KCNK9: variants seen among roughly 807,000 people sequenced by gnomAD.
KCNK9 encodes potassium channel subfamily K member 9.
Under a neutral mutation model 10.8 loss-of-function variants are expected in KCNK9, and 1 was observed. The ratio of observed to expected loss-of-function variants is 0.09; its 90% CI spans 0.03 to 0.44. The LOEUF is 0.44. Ranked by LOEUF, KCNK9 falls within the 20% of genes least tolerant of loss-of-function variation. The probability of loss-of-function intolerance (pLI) is 0.97; values close to 1 mark genes in which losing one functional copy is unlikely to be tolerated. For missense variants in KCNK9, 303 were observed against 515.0 expected (o/e 0.59, Z 3.98); for synonymous variants, 231 against 222.7 (o/e 1.04, Z -0.33).
intron 1 of KCNK9, among the ~76,000 whole-genome samples, chr8:139,666,431 A>G (rs1816302271): frequency 6.6e-6 from 1 of 152,256 alleles, no homozygotes; most frequent in African/African-American, 2.4e-5. Flanking sequence ...GGTTTAAATG[A>G]GTCGGCCGTC....
intron 1 of KCNK9, among the ~76,000 whole-genome samples, chr8:139,649,401 AT>A (rs771251940): frequency 4.6e-5 from 7 of 151,820 alleles, no homozygotes; most frequent in Non-Finnish European, 5.9e-5. Context: ...AGGGTGTAGA[AT>A]GAGGAAGGAC....
At chr8:139,673,446 G>A (rs909245913) in intron 1 of KCNK9, among the ~76,000 whole-genome samples, 5 of 152,332 alleles carry the variant, frequency 3.3e-5, no homozygotes, top group East Asian at 3.9e-4. Context: ...GCAGCTTAGC[G>A]GCACTGGCTG....
downstream of KCNK9, among the ~76,000 whole-genome samples, chr8:139,610,972 T>C (rs569932329): frequency 1.3e-5 from 2 of 152,390 alleles, no homozygotes; most frequent in South Asian, 2.1e-4. Context: ...GCCTGAGCTG[T>C]GTCTCTGCCT....
chr8:139,615,049 G>T (rs1814538809), downstream of KCNK9, among the ~76,000 whole-genome samples: 1 of 152,138 alleles, frequency 6.6e-6, no homozygotes. Flanking sequence ...CTGGGAGAAG[G>T]GTATGAAAAT....
intron 1 of KCNK9, among the ~76,000 whole-genome samples, chr8:139,657,971 T>C (rs1469584418): frequency 6.6e-6 from 1 of 152,078 alleles, no homozygotes; most frequent in Non-Finnish European, 1.5e-5. Flanking sequence ...GGAGATGACA[T>C]GGTAGGGTGG....
At chr8:139,662,843 G>A (rs1213328787) in intron 1 of KCNK9, among the ~76,000 whole-genome samples, 4 of 129,304 alleles carry the variant, frequency 3.1e-5, no homozygotes, top group African/African-American at 1.3e-4. Context: ...CAGGGAAAGG[G>A]GAGAAGGGAG....
chr8:139,673,483 G>A (rs1045261435), intron 1 of KCNK9, among the ~76,000 whole-genome samples: 1 of 152,202 alleles, frequency 6.6e-6, no homozygotes, highest in African/African-American at 2.4e-5. Context: ...GGGGATGCGT[G>A]CAGCCCACCC....
intron 1 of KCNK9, among the ~76,000 whole-genome samples, chr8:139,654,816 C>A (rs1303240093): frequency 1.3e-5 from 2 of 152,214 alleles, no homozygotes; most frequent in African/African-American, 4.8e-5. Context: ...ATGCACAGAG[C>A]CCCTGTGGCA....
chr8:139,669,403 C>A (rs1317826983), intron 1 of KCNK9, among the ~76,000 whole-genome samples: 1 of 152,240 alleles, frequency 6.6e-6, no homozygotes. Context: ...AACCCTGCTG[C>A]TACTTCATCA....
At chr8:139,641,606 C>T (rs1432857498) in intron 1 of KCNK9, among the ~76,000 whole-genome samples, 1 of 142,620 alleles carries the variant, frequency 7.0e-6, no homozygotes, top group East Asian at 2.1e-4. Context: ...GGTGGCCTCC[C>T]GCTCTGCCCC....
chr8:139,693,723 G>A lies in KCNK9; in HGVS notation c.283+8987C>T, dbSNP rs561923124. Among the ~76,000 whole-genome samples the A allele has an allele frequency of 6.6e-6, 1 of 152,286 alleles. No homozygotes were observed. Among genetic ancestry groups the A allele is most frequent in the African/African-American group, 2.4e-5 (1 of 41,560 alleles). On this transcript the variant is annotated intron_variant, in intron 1 of 1. Coordinates refer to ENST00000520439, the MANE Select transcript of KCNK9 (RefSeq NM_001282534.2). This position sits in a 1 kb window ranked among gnomAD's most constrained non-coding sequence, Gnocchi z 4.1. The stretch of plus-strand genomic sequence containing the variant: ...GAGCCGGACTCAGGGCAGAAGGTGT[G>A]GGAACAGGGCCTGAGCGGGGCTGGA...
downstream of KCNK9, among the ~76,000 whole-genome samples, chr8:139,608,621 CG>C (rs1311604676): frequency 1.1e-5 from 1 of 88,780 alleles, no homozygotes; most frequent in African/African-American, 4.5e-5. Context: ...GCAGGCTTTG[CG>C]GGGGGGCGGG....
intron 1 of KCNK9, among the ~76,000 whole-genome samples, chr8:139,630,627 G>GA (rs1815135405): frequency 6.6e-6 from 1 of 152,216 alleles, no homozygotes. Flanking sequence ...GCAGCTCGGA[G>GA]AGGGTGTAGG....
intron 1 of KCNK9, among the ~76,000 whole-genome samples, chr8:139,660,449 A>ATATAT (rs1554623942): frequency 7.6e-5 from 10 of 131,190 alleles, no homozygotes; most frequent in Non-Finnish European, 1.5e-4. Flanking sequence ...GCTAAAAAAA[A>ATATAT]ATATATATAT....
At chr8:139,674,268 G>A (rs980860385) in intron 1 of KCNK9, among the ~76,000 whole-genome samples, 11 of 152,168 alleles carry the variant, frequency 7.2e-5, no homozygotes, top group African/African-American at 2.7e-4. Context: ...TCCTCTTTCC[G>A]CTGTCTGCCA....
chr8:139,670,868 G>A (rs932780140), intron 1 of KCNK9, among the ~76,000 whole-genome samples: 7 of 152,194 alleles, frequency 4.6e-5, no homozygotes, highest in African/African-American at 1.7e-4. Flanking sequence ...CTCCCCAGCA[G>A]CATCTTCTGC....
At chr8:139,622,543 A>AAG (rs1402187275) in intron 1 of KCNK9, among the ~76,000 whole-genome samples, 1 of 152,048 alleles carries the variant, frequency 6.6e-6, no homozygotes, top group Non-Finnish European at 1.5e-5. Flanking sequence ...TACTCTCTAC[A>AAG]AGTTCCAGGA....
intron 1 of KCNK9, among the ~76,000 whole-genome samples, chr8:139,686,016 C>T (rs1453818276): frequency 1.3e-5 from 2 of 152,180 alleles, no homozygotes; most frequent in Non-Finnish European, 2.9e-5. Context: ...TTTTGATTTG[C>T]ATTTCTCTGA....
At chr8:139,613,090 G>T (rs990557736), downstream of KCNK9, among the ~76,000 whole-genome samples, 1 of 152,216 alleles carries the variant, frequency 6.6e-6, no homozygotes, top group Non-Finnish European at 1.5e-5. Context: ...TTTCTTAGGC[G>T]TGACAATGGC....
Sources: gnomAD v4.1 joint callset for allele counts (sites outside exome capture counted in the v4.1 genomes callset) on GRCh38, gnomAD v4.1.1 for gene constraint, Gnocchi (gnomAD v3.1) non-coding constraint, MANE v1.5 for transcripts, NCBI Gene and HGNC (gene_info 2026-07-23, HGNC 2026-07-21) for gene names.